Variants in DOCK9 observed in about 807,000 individuals in gnomAD.
The protein encoded by DOCK9 is dedicator of cytokinesis 9, also known as dedicator of cytokinesis protein 9.
Under a neutral mutation model 263.3 loss-of-function variants are expected in DOCK9, and 89 were observed. The observed-to-expected ratio is 0.34, with a 90% CI of 0.28 to 0.40. DOCK9 has a LOEUF of 0.40. Ranked by LOEUF, DOCK9 falls within the 10% of genes least tolerant of loss-of-function variation. The pLI is 1.00. For missense variants in DOCK9, 2,140 were observed against 2,603.4 expected (o/e 0.82, Z 3.87); for synonymous variants, 976 against 973.1 (o/e 1.00, Z -0.06).
intron 1 of DOCK9, among the ~76,000 whole-genome samples, chr13:99,038,297 T>TCGC (rs1566338495): frequency 6.9e-5 from 8 of 115,488 alleles, no homozygotes; most frequent in Middle Eastern, 4.0e-3. Flanking sequence ...CCTTTTTTTT[T>TCGC]TTTTTTTTTT....
At chr13:99,069,949 C>G (rs1400462089) in intron 1 of DOCK9, among the ~76,000 whole-genome samples, 1 of 152,184 alleles carries the variant, frequency 6.6e-6, no homozygotes, top group Non-Finnish European at 1.5e-5. Context: ...AATTCCTCAT[C>G]AAGAAACAGA....
At chr13:98,949,537 TG>T (rs2057153680) in intron 2 of DOCK9, among the ~76,000 whole-genome samples, 2 of 152,254 alleles carry the variant, frequency 1.3e-5, no homozygotes. Context: ...AATTTTTCCT[TG>T]GAAATGACTG....
chr13:99,081,897 TCC>T (rs1168342746), intron 1 of DOCK9, among the ~76,000 whole-genome samples: 1 of 152,166 alleles, frequency 6.6e-6, no homozygotes, highest in Non-Finnish European at 1.5e-5. Flanking sequence ...AAATTACTTT[TCC>T]TACAGTTAAA....
At chr13:98,931,590 G>A (rs573642207) in intron 2 of DOCK9, among the ~76,000 whole-genome samples, 17 of 150,670 alleles carry the variant, frequency 1.1e-4, no homozygotes, top group Non-Finnish European at 1.8e-4. Flanking sequence ...GAGCCACTGC[G>A]CCCAGCCTAA....
chr13:99,044,754 C>T (rs1416474620), intron 1 of DOCK9, among the ~76,000 whole-genome samples: 1 of 152,156 alleles, frequency 6.6e-6, no homozygotes, highest in Non-Finnish European at 1.5e-5. Context: ...AATCATTCTC[C>T]CCAAACTATA....
intron 1 of DOCK9, chr13:99,086,207 G>T: frequency 6.7e-7 from 1 of 1,485,048 alleles, no homozygotes; most frequent in Non-Finnish European, 8.9e-7. Context: ...CCGGCCCGCG[G>T]TCGTCCCGCA....
At chr13:99,086,963 G>C (rs1031830000), upstream of DOCK9, among the ~76,000 whole-genome samples, 1 of 152,110 alleles carries the variant, frequency 6.6e-6, no homozygotes, top group Non-Finnish European at 1.5e-5. Context: ...CGCGGTTTCG[G>C]AGCAGGGTTT....
intron 38 of DOCK9, chr13:98,845,283 A>G: frequency 1.5e-6 from 2 of 1,322,610 alleles, no homozygotes; most frequent in Non-Finnish European, 1.0e-6. Flanking sequence ...TTGGCTTGCA[A>G]GTGAAGCAAC....
intron 30 of DOCK9, among the ~76,000 whole-genome samples, chr13:98,866,627 A>G (rs1196346957): frequency 1.3e-5 from 2 of 152,214 alleles, no homozygotes; most frequent in Non-Finnish European, 2.9e-5. Flanking sequence ...AGACATCCCT[A>G]TGAGCTCAAC....
intron 7 of DOCK9, among the ~76,000 whole-genome samples, chr13:98,916,738 C>G (rs1219479504): frequency 1.3e-5 from 2 of 152,170 alleles, no homozygotes; most frequent in African/African-American, 4.8e-5. Flanking sequence ...CCTCCTTTCC[C>G]TGCATACTCA....
At chr13:98,935,676 G>A (rs746230886) in intron 2 of DOCK9, among the ~76,000 whole-genome samples, 4 of 152,204 alleles carry the variant, frequency 2.6e-5, no homozygotes, top group South Asian at 2.1e-4. Context: ...GCTGAGGCAC[G>A]AGAATCGCTT....
chr13:98,794,854 A>G, intron 52 of DOCK9, 106 bp from the exon 53 acceptor site: 1 of 1,329,698 alleles, frequency 7.5e-7, no homozygotes, highest in Non-Finnish European at 1.1e-6. Flanking sequence ...AAAATGTTAC[A>G]GAGTTTAAGG....
intron 2 of DOCK9, among the ~76,000 whole-genome samples, chr13:98,942,809 C>G (rs1308286498): frequency 6.6e-6 from 1 of 152,158 alleles, no homozygotes; most frequent in African/African-American, 2.4e-5. Flanking sequence ...CATACCTGTA[C>G]AACATGGGAC....
chr13:99,003,622 G>C (rs745607409), intron 1 of DOCK9, among the ~76,000 whole-genome samples: 1 of 151,586 alleles, frequency 6.6e-6, no homozygotes, highest in Non-Finnish European at 1.5e-5. Context: ...TGGCACCCTG[G>C]AGGTGCCCAG....
intron 1 of DOCK9, among the ~76,000 whole-genome samples, chr13:99,076,183 G>A (rs913313000): frequency 2.0e-5 from 3 of 152,188 alleles, no homozygotes; most frequent in African/African-American, 7.2e-5. Context: ...AAGATATAAT[G>A]TCACCATCCA....
chr13:99,050,103 C>T (rs1255629705), intron 1 of DOCK9, among the ~76,000 whole-genome samples: 3 of 152,162 alleles, frequency 2.0e-5, no homozygotes. Context: ...CACCTGCTTG[C>T]ATGTTGGATC....
At chr13:99,028,864 A>G (rs1208688230) in intron 1 of DOCK9, among the ~76,000 whole-genome samples, 1 of 152,198 alleles carries the variant, frequency 6.6e-6, no homozygotes, top group Non-Finnish European at 1.5e-5. Context: ...GGAAGTTAAA[A>G]TATGTTTAGG....
rs1164901443 is a variant in DOCK9, at chr13:98,829,135, A to C, written c.4965+172T>G. Among the ~76,000 whole-genome samples the C allele has an allele frequency of 6.6e-6, 1 of 152,210 alleles. No individual in the cohort carries two copies. The highest frequency in any genetic ancestry group is 1.5e-5 in the Non-Finnish European group (1 of 68,034). On this transcript the variant is annotated intron_variant, in intron 43 of 52. Transcript: ENST00000682017. This position sits in a 1 kb window ranked among gnomAD's most constrained non-coding sequence, Gnocchi z 4.1. ...CCTTACAATTTGTTTTAAATTATTA[A>C]AATGCTCAGCTAACTATGAAGTCAC...
At chr13:98,880,040 C>T in intron 26 of DOCK9, 71 bp from the exon 27 acceptor site, 2 of 1,197,180 alleles carry the variant, frequency 1.7e-6, no homozygotes, top group Non-Finnish European at 2.4e-6. Flanking sequence ...CTCTCTCAGG[C>T]TGACAATATT....
Sources: allele counts gnomAD v4.1 joint callset (sites outside exome capture counted in the v4.1 genomes callset), GRCh38; gene constraint gnomAD v4.1.1; non-coding constraint Gnocchi (gnomAD v3.1); transcripts MANE v1.5; gene names NCBI Gene and HGNC (gene_info 2026-07-23, HGNC 2026-07-21).